The following KIAA0825 variants were observed in gnomAD, a reference collection of about 807,000 sequenced individuals.
The protein encoded by KIAA0825 is uncharacterized protein KIAA0825.
KIAA0825 carries 119 observed loss-of-function variants against 147.6 expected under a neutral mutation model. That is an observed-to-expected ratio of 0.81 (90% CI 0.69 to 0.94). The LOEUF is 0.94. Among genes scored for constraint, KIAA0825 ranks in the 40% least tolerant of loss-of-function variants. The pLI, the probability that KIAA0825 is intolerant of heterozygous loss-of-function variation, is 0.00. For missense variants in KIAA0825, 1,381 were observed against 1,472.7 expected (o/e 0.94, Z 1.02); for synonymous variants, 470 against 518.1 (o/e 0.91, Z 1.26).
chr5:94,251,095 A>G (rs1165997988), intron 20 of KIAA0825, among the ~76,000 whole-genome samples: 1 of 152,068 alleles, frequency 6.6e-6, no homozygotes, highest in Admixed American at 6.6e-5. Flanking sequence ...TGGGTGACCC[A>G]TCTAAAACTC....
chr5:94,452,705 AC>A (rs1342714834), intron 13 of KIAA0825, among the ~76,000 whole-genome samples: 2 of 152,200 alleles, frequency 1.3e-5, no homozygotes, highest in Admixed American at 1.3e-4. Flanking sequence ...TTAAAATAAA[AC>A]TAAATTCCAA....
At chr5:94,509,786 C>T (rs532633571) in intron 5 of KIAA0825, among the ~76,000 whole-genome samples, 3 of 152,254 alleles carry the variant, frequency 2.0e-5, no homozygotes, top group Admixed American at 2.0e-4. Flanking sequence ...GCTGCATTTT[C>T]CTATTTCTCT....
At position 94,304,416 on chromosome 5, in the gene KIAA0825, G is replaced by A. The variant is rs547041356; in HGVS notation, c.3710+79952C>T. On this transcript the variant is annotated intron_variant, in intron 20 of 20. Coordinates refer to ENST00000682413, the MANE Select transcript of KIAA0825 (RefSeq NM_001145678.3). ...GAGGGAATAATACGGCAGGTGAGGGGGGGTGACCCGTATCAACTAGAGAAG... is the reference window on the plus strand; with the variant it reads ...GAGGGAATAATACGGCAGGTGAGGGAGGGTGACCCGTATCAACTAGAGAAG... 9.2e-5 allele frequency among the ~76,000 whole-genome samples: 14 copies of A among 152,106 alleles called. 1 individual carries two copies. The South Asian group carries it at 2.9e-3, about 32-fold the overall frequency.
chr5:94,548,172 G>T (rs959143844), intron 2 of KIAA0825, among the ~76,000 whole-genome samples: 42 of 152,202 alleles, frequency 2.8e-4, no homozygotes, highest in African/African-American at 9.6e-4. Flanking sequence ...TAAATAGAAA[G>T]ACTAAATGAT....
At position 94,464,879 on chromosome 5, in the gene KIAA0825, G is replaced by A. The variant is rs999869364; in HGVS notation, c.2053C>T (p.Pro685Ser). The change falls in exon 11 of 21, where the codon CCA becomes TCA. Residue 685 changes from proline to serine, a missense_variant. Coordinates refer to ENST00000682413, the MANE Select transcript of KIAA0825 (RefSeq NM_001145678.3). ...CAGAACTTCAATTACCTTAACTGTGGAGTTCTTTTACGGCTGGGGTGGGCC... is the reference window on the plus strand; with the variant it reads ...CAGAACTTCAATTACCTTAACTGTGAAGTTCTTTTACGGCTGGGGTGGGCC... ...ARAHPSRKRT[P>S]QLRLDVTTIL... is the part of the protein sequence containing the mutation. The A allele has an allele frequency of 5.8e-6, 9 of 1,550,368 alleles. No homozygotes were observed. The Admixed American group carries it at 1.8e-4, about 31-fold the overall frequency.
At chr5:94,468,499 C>G (rs181460210) in intron 10 of KIAA0825, among the ~76,000 whole-genome samples, 2 of 152,192 alleles carry the variant, frequency 1.3e-5, no homozygotes, top group Admixed American at 1.3e-4. Flanking sequence ...CTGCACCATA[C>G]CACTTTCTCC....
chr5:94,583,098 C>A (rs772127499), intron 1 of KIAA0825, among the ~76,000 whole-genome samples: 2 of 152,158 alleles, frequency 1.3e-5, no homozygotes, highest in Non-Finnish European at 2.9e-5. Flanking sequence ...CAGCTCCCAG[C>A]GAGATCGACG....
At chr5:94,227,290 C>G (rs963054914) in intron 20 of KIAA0825, among the ~76,000 whole-genome samples, 37 of 151,784 alleles carry the variant, frequency 2.4e-4, no homozygotes, top group African/African-American at 8.7e-4. Flanking sequence ...AGTAAACTAT[C>G]GCAAGAACAA....
At chr5:94,259,017 A>G (rs1776370966) in intron 20 of KIAA0825, among the ~76,000 whole-genome samples, 1 of 152,162 alleles carries the variant, frequency 6.6e-6, no homozygotes, top group East Asian at 1.9e-4. Context: ...TGTAAATTCA[A>G]CTGCCCCTTT....
At chr5:94,532,510 C>T (rs1771005268) in intron 3 of KIAA0825, among the ~76,000 whole-genome samples, 1 of 151,686 alleles carries the variant, frequency 6.6e-6, no homozygotes, top group Non-Finnish European at 1.5e-5. Flanking sequence ...CTCCCTCTTT[C>T]CTTTTCTTTC....
intron 1 of KIAA0825, among the ~76,000 whole-genome samples, chr5:94,591,837 G>T (rs951365418): frequency 2.0e-5 from 3 of 152,154 alleles, no homozygotes; most frequent in African/African-American, 7.2e-5. Flanking sequence ...AGAAGCAAAG[G>T]CATATATTAC....
chr5:94,544,022 TC>T (rs1196328704), intron 2 of KIAA0825, among the ~76,000 whole-genome samples: 3 of 152,202 alleles, frequency 2.0e-5, no homozygotes, highest in African/African-American at 7.2e-5. Context: ...ATTCTTTTAT[TC>T]CTCTACTTTC....
intron 3 of KIAA0825, among the ~76,000 whole-genome samples, chr5:94,530,271 CAAAAAAAAAAAAAA>C (rs770501364): frequency 1.1e-4 from 6 of 54,606 alleles, no homozygotes; most frequent in Non-Finnish European, 3.5e-5. Context: ...AACTCCGTCA[CAAAAAAAAAAAAAA>C]AAAAAAAAAA....
At chr5:94,199,024 T>A (rs1329407035) in intron 20 of KIAA0825, among the ~76,000 whole-genome samples, 2 of 152,200 alleles carry the variant, frequency 1.3e-5, no homozygotes, top group African/African-American at 4.8e-5. Flanking sequence ...CCATCCAGAT[T>A]CTAAATTCGA....
chr5:94,569,833 C>T (rs758027035), intron 2 of KIAA0825: 23 of 180,316 alleles, frequency 1.3e-4, no homozygotes, highest in East Asian at 1.3e-3. Context: ...TCCTACACAT[C>T]GGCCGAGGCT....
chr5:94,475,572 C>A (rs1351225810), intron 7 of KIAA0825, among the ~76,000 whole-genome samples: 4 of 152,172 alleles, frequency 2.6e-5, no homozygotes, highest in African/African-American at 9.7e-5. Flanking sequence ...CTTTGGGAGG[C>A]CGAGGCAGGC....
chr5:94,157,131 GA>G (rs1262404417), intron 20 of KIAA0825, among the ~76,000 whole-genome samples: 1 of 152,162 alleles, frequency 6.6e-6, no homozygotes, highest in African/African-American at 2.4e-5. Flanking sequence ...ACAGAAACCA[GA>G]AAATGTTGGA....
rs143592087 is a variant in KIAA0825 at position 94,594,794 on chromosome 5, G to A, written c.-152-12211C>T. ...CATTTAGAGAAGTCGAATCATGATT[G>A]TAGTTTTTATTTAAAATGAGTGTTA... On this transcript the variant is annotated intron_variant, in intron 1 of 20. Coordinates refer to ENST00000682413, the MANE Select transcript of KIAA0825 (RefSeq NM_001145678.3). 138 of 514,872 alleles carry A rather than the reference G, an allele frequency of 2.7e-4. 2 individuals carry two copies. Among genetic ancestry groups the A allele is most frequent in the African/African-American group, 2.6e-3 (130 of 50,102 alleles). The allele number at this position is 514,872 out of a possible 1,614,324, so 31.9% of individuals were successfully genotyped here.
At chr5:94,447,387 AAG>A (rs1301243697) in intron 13 of KIAA0825, among the ~76,000 whole-genome samples, 2 of 152,162 alleles carry the variant, frequency 1.3e-5, no homozygotes, top group Non-Finnish European at 2.9e-5. Flanking sequence ...GGAAACAGAA[AAG>A]CAGCAACAGG....
Sources: allele counts gnomAD v4.1 joint callset (sites outside exome capture counted in the v4.1 genomes callset), GRCh38; gene constraint gnomAD v4.1.1; transcripts MANE v1.5; gene names NCBI Gene and HGNC (gene_info 2026-07-23, HGNC 2026-07-21).